The following GJA1 variants were observed in gnomAD, a reference collection of about 807,000 sequenced individuals.
GJA1 encodes the protein gap junction alpha-1 protein.
Under a neutral mutation model 31.0 loss-of-function variants are expected in GJA1, and 9 were observed. The observed-to-expected ratio is 0.29, with a 90% CI of 0.17 to 0.51. The LOEUF is 0.51. GJA1 is among the 20% of genes least tolerant of loss of function. The probability of loss-of-function intolerance (pLI) is 0.98; values close to 1 mark genes in which losing one functional copy is unlikely to be tolerated. For synonymous variants in GJA1, 186 were observed against 180.1 expected (o/e 1.03, Z -0.26); for missense variants, 278 against 468.8 (o/e 0.59, Z 3.76).
chr6:121,448,205 T>G lies in GJA1; in HGVS notation c.*209T>G. The G allele has an allele frequency of 1.6e-6, 1 of 613,182 alleles. No individual in the cohort carries two copies. Among genetic ancestry groups the G allele is most frequent in the Non-Finnish European group, 3.0e-6 (1 of 336,324 alleles). 38.0% of individuals were successfully genotyped at this position (613,182 alleles called of 1,614,324 possible). On this transcript the variant is annotated 3_prime_UTR_variant, in exon 2 of 2. Transcript: ENST00000282561. ...GTGGAGAGGGAGGGGATAAGAGAGG[T>G]GCATGTTGGTATTTAAAGTAGTGGA...
intron 1 of GJA1, among the ~76,000 whole-genome samples, chr6:121,441,105 G>T (rs1773771839): frequency 6.6e-6 from 1 of 152,062 alleles, no homozygotes; most frequent in African/African-American, 2.4e-5. Flanking sequence ...ACCACGCCCG[G>T]CTAATTTTTT....
intron 1 of GJA1, 106 bp from the exon 2 acceptor site, chr6:121,446,726 T>C: frequency 1.2e-6 from 1 of 821,888 alleles, no homozygotes; most frequent in South Asian, 1.4e-5. Context: ...ATGTTAGAAA[T>C]ACGTGAAACC....
At chr6:121,440,577 T>C (rs993067898) in intron 1 of GJA1, among the ~76,000 whole-genome samples, 4 of 152,000 alleles carry the variant, frequency 2.6e-5, no homozygotes, top group Non-Finnish European at 5.9e-5. Flanking sequence ...TTTTAATTAA[T>C]TTGAAACTTT....
At chr6:121,442,110 C>T (rs558053945) in intron 1 of GJA1, among the ~76,000 whole-genome samples, 1 of 152,218 alleles carries the variant, frequency 6.6e-6, no homozygotes, top group South Asian at 2.1e-4. Context: ...AAGTCCTTCA[C>T]CTTCTCTTTT....
At chr6:121,438,243 C>T (rs1011168013) in intron 1 of GJA1, among the ~76,000 whole-genome samples, 2 of 152,178 alleles carry the variant, frequency 1.3e-5, no homozygotes, top group Non-Finnish European at 2.9e-5. Flanking sequence ...TTTGCTCCTA[C>T]TTTCTTCACT....
chr6:121,446,289 C>G (rs1250766423), intron 1 of GJA1, among the ~76,000 whole-genome samples: 1 of 139,526 alleles, frequency 7.2e-6, no homozygotes, highest in African/African-American at 2.7e-5. Context: ...GAGGGAAACA[C>G]CATCTTAAAA....
chr6:121,445,312 A>G (rs1252898278), intron 1 of GJA1, among the ~76,000 whole-genome samples: 1 of 152,018 alleles, frequency 6.6e-6, no homozygotes, highest in Non-Finnish European at 1.5e-5. Flanking sequence ...CACCTGGCTA[A>G]TTTCTTGTAT....
chr6:121,443,193 G>A lies in GJA1; in HGVS notation c.-16-3639G>A, dbSNP rs562472217. 8.5e-5 allele frequency among the ~76,000 whole-genome samples: 13 copies of A among 152,208 alleles called. No individual in the cohort carries two copies. In the East Asian group the frequency reaches 2.5e-3, roughly 29 times the overall value. On this transcript the variant is annotated intron_variant, in intron 1 of 1. Coordinates refer to ENST00000282561, the MANE Select transcript of GJA1 (RefSeq NM_000165.5). ...GAAGATATTAAACTAGTTTGGGAAG[G>A]TGCAGCAGGGAGGAACAACCAGTTG...
chr6:121,443,348 AGCT>A (rs1273265940), intron 1 of GJA1, among the ~76,000 whole-genome samples: 1 of 152,092 alleles, frequency 6.6e-6, no homozygotes, highest in African/African-American at 2.4e-5. Context: ...ATCGACAGGT[AGCT>A]ACATGTTACA....
In GJA1 at chr6:121,449,401, A is replaced by G. The variant is rs1415985210; in HGVS notation, c.*1405A>G. The G allele has an allele frequency of 6.0e-6, 1 of 167,072 alleles. No homozygotes were observed. The highest frequency in any genetic ancestry group is 1.5e-5 in the Non-Finnish European group (1 of 68,128). The allele number at this position is 167,072 out of a possible 1,614,324, so 10.3% of individuals were successfully genotyped here. On this transcript the variant is annotated 3_prime_UTR_variant, in exon 2 of 2. Coordinates refer to ENST00000282561, the MANE Select transcript of GJA1 (RefSeq NM_000165.5). ...GCACTAAGATTTTATTTGGAATGCA[A>G]GAGAGGTTGAAAGAGGATTCAGTAG...
At chr6:121,440,880 T>G (rs1352766173) in intron 1 of GJA1, among the ~76,000 whole-genome samples, 1 of 152,054 alleles carries the variant, frequency 6.6e-6, no homozygotes, top group Non-Finnish European at 1.5e-5. Flanking sequence ...TAGCTGGGAT[T>G]ACAGGCACCC....
intron 1 of GJA1, among the ~76,000 whole-genome samples, chr6:121,438,373 T>C (rs1274906655): frequency 6.6e-6 from 1 of 152,240 alleles, no homozygotes; most frequent in Admixed American, 6.5e-5. Flanking sequence ...GGAAACATGG[T>C]TGCAAAGATG....
In GJA1 at chr6:121,449,369, G is replaced by T. The variant is rs1371545705; in HGVS notation, c.*1373G>T. The T allele has an allele frequency of 6.0e-6, 1 of 167,024 alleles. No homozygotes were observed. Among genetic ancestry groups the T allele is most frequent in the Non-Finnish European group, 1.5e-5 (1 of 68,122 alleles). The allele number at this position is 167,024 out of a possible 1,614,324, so 10.3% of individuals were successfully genotyped here. ...GTCTTTTGGAGTGACCAGCAACTTT[G>T]ATGTTTGCACTAAGATTTTATTTGG... On this transcript the variant is annotated 3_prime_UTR_variant, in exon 2 of 2. Coordinates refer to ENST00000282561, the MANE Select transcript of GJA1 (RefSeq NM_000165.5).
intron 1 of GJA1, among the ~76,000 whole-genome samples, chr6:121,444,266 A>T (rs1318426471): frequency 2.0e-5 from 3 of 152,174 alleles, no homozygotes; most frequent in Admixed American, 6.5e-5. Context: ...TCAGAATCTA[A>T]AATGACCCTT....
intron 1 of GJA1, among the ~76,000 whole-genome samples, chr6:121,437,883 A>G (rs772385585): frequency 2.0e-5 from 3 of 152,068 alleles, no homozygotes; most frequent in Non-Finnish European, 4.4e-5. Flanking sequence ...GCGCATTTGA[A>G]CTCGGTGAAA....
chr6:121,447,435 G>A lies in GJA1; in HGVS notation c.588G>A (p.Val196=), dbSNP rs1192613862. 6.2e-7 allele frequency: 1 copy of A among 1,613,960 alleles called. No individual in the cohort carries two copies. Residue 196 remains valine (V), a synonymous_variant, in exon 2 of 2, where the codon GTG becomes GTA. Transcript: ENST00000282561. ...AAAGAGATCCCTGCCCACATCAGGTGGACTGTTTCCTCTCTCGCCCCACGG... is the reference window on the plus strand; with the variant it reads ...AAAGAGATCCCTGCCCACATCAGGTAGACTGTTTCCTCTCTCGCCCCACGG... ...TCKRDPCPHQ[V]DCFLSRPTEK... is the part of the protein sequence containing the mutation.
intron 1 of GJA1, among the ~76,000 whole-genome samples, chr6:121,436,736 G>T: frequency 6.6e-6 from 1 of 152,086 alleles, no homozygotes; most frequent in East Asian, 1.9e-4. Context: ...AGCGCTTTGG[G>T]AGCTCCCCCC....
intron 1 of GJA1, among the ~76,000 whole-genome samples, chr6:121,436,263 C>T (rs1004981566): frequency 6.8e-6 from 1 of 148,036 alleles, no homozygotes; most frequent in Non-Finnish European, 1.5e-5. Context: ...ATTTGCTTAG[C>T]GTGCTTCCTA....
chr6:121,440,152 A>G (rs867958892), intron 1 of GJA1, among the ~76,000 whole-genome samples: 5 of 152,050 alleles, frequency 3.3e-5, no homozygotes, highest in Middle Eastern at 3.5e-3. Context: ...TGTGTGGTGC[A>G]ATCGGAGTTA....
Sources: allele counts gnomAD v4.1 joint callset (sites outside exome capture counted in the v4.1 genomes callset), GRCh38; gene constraint gnomAD v4.1.1; transcripts MANE v1.5; gene names NCBI Gene and HGNC (gene_info 2026-07-23, HGNC 2026-07-21).